The following SGK1 variants were observed in gnomAD, a reference collection of about 807,000 sequenced individuals.
SGK1 encodes serum/glucocorticoid regulated kinase 1.
SGK1 carries 26 observed loss-of-function variants against 64.2 expected under a neutral mutation model. That is an observed-to-expected ratio of 0.40 (90% confidence interval 0.30 to 0.56). The LOEUF is 0.56. Among genes scored for constraint, SGK1 ranks in the 20% least tolerant of loss-of-function variants. The pLI is 0.38. For missense variants in SGK1, 519 were observed against 645.6 expected, an observed-to-expected ratio of 0.80 and a Z score of 2.12; for synonymous variants, 265 against 239.7, an observed-to-expected ratio of 1.11 and a Z score of -0.98.
rs150335204 is a variant in SGK1 at position 134,171,098 on chromosome 6, T to C, written c.1248A>G (p.Thr416=). Residue 416 remains threonine, a synonymous_variant, in exon 12 of 14, where the codon ACA becomes ACG. Transcript: ENST00000367858. ...NKPLQLKPNI[T]NSARHLLEGL... ...CCTCCAGGAGGTGTCTTGCGGAATT[T>C]GTAATATTTGGTTTCAGCTGGAGAG... 3 of 1,614,182 alleles carry C rather than the reference T, an allele frequency of 1.9e-6. No homozygotes were observed. Among genetic ancestry groups the C allele is most frequent in the Non-Finnish European group, 2.5e-6 (3 of 1,180,036 alleles).
At chr6:134,240,580 T>C (rs1405498243) in intron 2 of SGK1, among the ~76,000 whole-genome samples, 1 of 152,232 alleles carries the variant, frequency 6.6e-6, no homozygotes. Flanking sequence ...TGCTATCTCT[T>C]ACATACAGTA....
At chr6:134,215,948 G>A (rs1469384238) in intron 2 of SGK1, among the ~76,000 whole-genome samples, 2 of 152,176 alleles carry the variant, frequency 1.3e-5, no homozygotes, top group Non-Finnish European at 2.9e-5. Context: ...CCCAGGAGGC[G>A]GAGGTTGCAG....
chr6:134,203,111 G>C (rs1356273616), intron 3 of SGK1, among the ~76,000 whole-genome samples: 1 of 152,128 alleles, frequency 6.6e-6, no homozygotes, highest in Non-Finnish European at 1.5e-5. Flanking sequence ...AGGCGTGGTG[G>C]CACGTGCCTG....
chr6:134,235,981 A>G (rs1776359158), intron 2 of SGK1, among the ~76,000 whole-genome samples: 1 of 152,140 alleles, frequency 6.6e-6, no homozygotes. Context: ...CGTGACTCCA[A>G]CCATGGAGAG....
chr6:134,182,487 C>T (rs1763529), intron 3 of SGK1, among the ~76,000 whole-genome samples: 58,812 of 150,380 alleles, frequency 0.39, 12,974 homozygotes, highest in Non-Finnish European at 0.51. Context: ...CACAGCGAGA[C>T]TCCGTCTAAA....
intron 2 of SGK1, among the ~76,000 whole-genome samples, chr6:134,254,095 TTTTCTGTCCTAGTCTCTCC>T (rs1436014406): frequency 2.7e-5 from 4 of 149,876 alleles, no homozygotes; most frequent in Non-Finnish European, 5.9e-5. Flanking sequence ...TAGTCTCTCC[TTTTCTGTCCTAGTCTCTCC>T]TTTTTTTTTT....
intron 1 of SGK1, among the ~76,000 whole-genome samples, chr6:134,293,529 A>G (rs1777297570): frequency 6.6e-6 from 1 of 152,168 alleles, no homozygotes; most frequent in African/African-American, 2.4e-5. Flanking sequence ...AAACCTCAAG[A>G]TTTGATAATA....
intron 1 of SGK1, among the ~76,000 whole-genome samples, chr6:134,311,438 T>C (rs1052287854): frequency 1.3e-5 from 2 of 151,294 alleles, no homozygotes; most frequent in African/African-American, 4.9e-5. Context: ...AGGTCAGGAG[T>C]TGGAAACCAG....
At position 134,270,344 on chromosome 6, in the gene SGK1, C is replaced by G. The variant is rs57871944; in HGVS notation, c.70-8196G>C. On this transcript the variant is annotated intron_variant, in intron 1 of 13. Coordinates refer to ENST00000367858, the MANE Select transcript of SGK1 (RefSeq NM_001143676.3). The stretch of plus-strand genomic sequence containing the variant: ...GTCACCTTTCCAACTGGATCATAAG[C>G]ATGAGAATAGCTTCTTAGGCCTTAG... 4.1e-3 allele frequency among the ~76,000 whole-genome samples: 598 copies of G among 146,906 alleles called. 152 individuals are homozygous for G. In the East Asian group the frequency reaches 0.12, roughly 31 times the overall value.
At chr6:134,264,010 C>T (rs113282435) in intron 1 of SGK1, among the ~76,000 whole-genome samples, 21 of 152,150 alleles carry the variant, frequency 1.4e-4, no homozygotes, top group African/African-American at 1.9e-4. Flanking sequence ...GAAAAACAAA[C>T]GCATAGAGAT....
intron 3 of SGK1, among the ~76,000 whole-genome samples, chr6:134,182,315 A>AG (rs1047152924): frequency 6.6e-6 from 1 of 151,884 alleles, no homozygotes; most frequent in African/African-American, 2.4e-5. Flanking sequence ...TGGGAGGCCA[A>AG]GGTGGGTGGG....
At chr6:134,297,309 C>G (rs111355938) in intron 1 of SGK1, 49 of 1,232,824 alleles carry the variant, frequency 4.0e-5, no homozygotes, top group Non-Finnish European at 5.4e-5. Flanking sequence ...CTGGTACACA[C>G]GCAGCTATCG....
At chr6:134,245,077 T>C (rs2114729210) in intron 2 of SGK1, among the ~76,000 whole-genome samples, 1 of 152,338 alleles carries the variant, frequency 6.6e-6, no homozygotes, top group Middle Eastern at 3.4e-3. Flanking sequence ...TGCCCTGCCT[T>C]AAACAATAGT....
intron 8 of SGK1, 119 bp downstream of exon 8, chr6:134,172,904 G>A: frequency 7.7e-7 from 1 of 1,302,692 alleles, no homozygotes; most frequent in South Asian, 1.3e-5. Flanking sequence ...CAGGTTGAAG[G>A]AAATGCTAAT....
At chr6:134,200,334 T>G (rs1775661362) in intron 3 of SGK1, among the ~76,000 whole-genome samples, 4 of 152,202 alleles carry the variant, frequency 2.6e-5, no homozygotes, top group Non-Finnish European at 5.9e-5. Flanking sequence ...ATGCCACTTT[T>G]ATGTTATAAT....
intron 2 of SGK1, among the ~76,000 whole-genome samples, chr6:134,222,333 A>G (rs1306257920): frequency 2.0e-5 from 3 of 149,914 alleles, no homozygotes; most frequent in African/African-American, 7.5e-5. Flanking sequence ...ATTAGAAAAA[A>G]TTGCTTTTTT....
intron 2 of SGK1, among the ~76,000 whole-genome samples, chr6:134,226,446 C>T (rs1055282669): frequency 6.6e-6 from 1 of 151,184 alleles, no homozygotes; most frequent in African/African-American, 2.4e-5. Flanking sequence ...ATGCTATAAT[C>T]CTAACACTTT....
intron 2 of SGK1, among the ~76,000 whole-genome samples, chr6:134,241,215 A>AT (rs1204442460): frequency 6.6e-6 from 1 of 151,510 alleles, no homozygotes. Flanking sequence ...ACATCCGGCT[A>AT]TTTTTTATAT....
intron 3 of SGK1, among the ~76,000 whole-genome samples, chr6:134,196,074 T>G (rs1396356748): frequency 6.6e-6 from 1 of 152,214 alleles, no homozygotes; most frequent in Non-Finnish European, 1.5e-5. Context: ...TTTACTGCAT[T>G]ATCTTTTTTA....
Sources: allele counts gnomAD v4.1 joint callset (sites outside exome capture counted in the v4.1 genomes callset), GRCh38; gene constraint gnomAD v4.1.1; transcripts MANE v1.5; gene names NCBI Gene and HGNC (gene_info 2026-07-23, HGNC 2026-07-21).